The following MACROD2 variants were observed in gnomAD, a reference collection of about 807,000 sequenced individuals.
MACROD2 encodes ADP-ribose glycohydrolase MACROD2.
MACROD2 carries 36 observed loss-of-function variants against 70.4 expected under a neutral mutation model. The ratio of observed to expected loss-of-function variants is 0.51; its 90% CI spans 0.39 to 0.68. MACROD2 has a LOEUF of 0.68. Among genes scored for constraint, MACROD2 ranks in the 30% least tolerant of loss-of-function variants. The pLI, the probability that MACROD2 is intolerant of heterozygous loss-of-function variation, is 0.00. For missense variants in MACROD2, 496 were observed against 538.4 expected (o/e 0.92, Z 0.78); for synonymous variants, 172 against 178.8 (o/e 0.96, Z 0.30).
At chr20:14,566,739 A>ATACGAAAG (rs1979833678) in intron 4 of MACROD2, 1 of 152,102 alleles carries the variant, frequency 6.6e-6, no homozygotes. Context: ...ATGATGTAAC[A>ATACGAAAG]TACGAAAGTC....
chr20:14,823,207 C>T (rs1231556061), intron 5 of MACROD2, among the ~76,000 whole-genome samples: 2 of 152,056 alleles, frequency 1.3e-5, no homozygotes, highest in African/African-American at 2.4e-5. Context: ...GCAAACTTCT[C>T]CCTATTTGTA....
chr20:14,350,105 A>G (rs1335582931), intron 3 of MACROD2, among the ~76,000 whole-genome samples: 1 of 152,096 alleles, frequency 6.6e-6, no homozygotes, highest in Non-Finnish European at 1.5e-5. Flanking sequence ...TATAAGTACC[A>G]TATTTACTTT....
At chr20:16,013,000 T>C (rs530821154) in intron 15 of MACROD2, among the ~76,000 whole-genome samples, 7 of 152,138 alleles carry the variant, frequency 4.6e-5, no homozygotes, top group Non-Finnish European at 1.0e-4. Flanking sequence ...GCCAACATGG[T>C]GAAACCCCAT....
chr20:14,919,375 T>C (rs2074133294), intron 5 of MACROD2, among the ~76,000 whole-genome samples: 1 of 152,006 alleles, frequency 6.6e-6, no homozygotes, highest in Non-Finnish European at 1.5e-5. Context: ...CCTTTATTTA[T>C]CACTTACTTT....
At chr20:15,002,300 A>G (rs1472871314) in intron 5 of MACROD2, among the ~76,000 whole-genome samples, 3 of 151,872 alleles carry the variant, frequency 2.0e-5, no homozygotes, top group East Asian at 1.9e-4. Flanking sequence ...TTTTTTGGCT[A>G]TGGCCATTCT....
chr20:14,041,636 TAGTATTGAAC>T (rs1242103078), intron 2 of MACROD2, among the ~76,000 whole-genome samples: 1 of 152,116 alleles, frequency 6.6e-6, no homozygotes, highest in South Asian at 2.1e-4. Context: ...TGAAAACCAT[TAGTATTGAAC>T]AGCTTGTACT....
intron 8 of MACROD2, among the ~76,000 whole-genome samples, chr20:15,555,906 G>A (rs1260551856): frequency 2.0e-5 from 3 of 151,076 alleles, no homozygotes; most frequent in African/African-American, 4.9e-5. Context: ...TTGAAAGTGT[G>A]TGTGACATTT....
In MACROD2 at chr20:15,958,176, T is replaced by A. The variant is rs536753570; in HGVS notation, c.908-9377T>A. Among the ~76,000 whole-genome samples, 3 of 152,320 alleles carry A rather than the reference T, an allele frequency of 2.0e-5. No homozygotes were observed. In the South Asian group the frequency reaches 6.2e-4, roughly 32 times the overall value. On this transcript the variant is annotated intron_variant, in intron 12 of 17. Coordinates refer to ENST00000684519, the MANE Select transcript of MACROD2 (RefSeq NM_001351661.2). ...ATTTCTCTATTATACACAGAACTGA[T>A]ATTCCGCCAGTACACTCTAATCCTG...
chr20:15,233,126 A>G (rs377560411), intron 6 of MACROD2, among the ~76,000 whole-genome samples: 1 of 152,062 alleles, frequency 6.6e-6, no homozygotes, highest in Non-Finnish European at 1.5e-5. Flanking sequence ...TCACTTTTAA[A>G]TATCTTCCCA....
chr20:14,036,058 C>T (rs1025425691), intron 2 of MACROD2, among the ~76,000 whole-genome samples: 4 of 151,710 alleles, frequency 2.6e-5, no homozygotes, highest in African/African-American at 9.7e-5. Flanking sequence ...AGGAGAATGG[C>T]GTGAATCCAG....
At chr20:14,161,295 C>T (rs569362541) in intron 3 of MACROD2, among the ~76,000 whole-genome samples, 176 of 148,412 alleles carry the variant, frequency 1.2e-3, no homozygotes, top group African/African-American at 4.2e-3. Context: ...TCAAGTGATT[C>T]GCCTGCCTCA....
chr20:15,017,283 G>A (rs1205224547), intron 5 of MACROD2, among the ~76,000 whole-genome samples: 1 of 152,168 alleles, frequency 6.6e-6, no homozygotes, highest in Admixed American at 6.5e-5. Context: ...AAATCCAGCG[G>A]GGCAGTCAAA....
chr20:14,873,688 G>A (rs1203747243), intron 5 of MACROD2, among the ~76,000 whole-genome samples: 1 of 151,960 alleles, frequency 6.6e-6, no homozygotes, highest in African/African-American at 2.4e-5. Context: ...CATAAACCCT[G>A]TCCCTACTAA....
At chr20:14,096,437 G>A (rs1020930133) in intron 3 of MACROD2, among the ~76,000 whole-genome samples, 22 of 136,006 alleles carry the variant, frequency 1.6e-4, no homozygotes, top group African/African-American at 5.4e-4. Flanking sequence ...CACAATCTCC[G>A]CTCACCACAA....
At position 15,545,996 on chromosome 20, in the gene MACROD2, T is replaced by G. The variant is rs112194581; in HGVS notation, c.645+46149T>G. On this transcript the variant is annotated intron_variant, in intron 8 of 17. Transcript: ENST00000684519. ...ACAGCTGGGCACGATGGCTCATGCC[T>G]GTCATCCCAGCACTTTGGGAGGACA... is the stretch of plus-strand genomic sequence containing the variant. Among the ~76,000 whole-genome samples the G allele has an allele frequency of 1.7e-3, 259 of 152,338 alleles. 1 individual carries two copies. Among genetic ancestry groups the G allele is most frequent in the African/African-American group, 5.8e-3 (241 of 41,586 alleles).
chr20:15,473,088 CT>C (rs1481299625), intron 7 of MACROD2, among the ~76,000 whole-genome samples: 3 of 152,330 alleles, frequency 2.0e-5, no homozygotes, highest in South Asian at 4.1e-4. Context: ...ATTGACTCAT[CT>C]TTATCACTTA....
At chr20:14,734,705 G>A (rs917288563) in intron 5 of MACROD2, among the ~76,000 whole-genome samples, 1 of 152,050 alleles carries the variant, frequency 6.6e-6, no homozygotes, top group Non-Finnish European at 1.5e-5. Context: ...GAAGGAGAAA[G>A]TTGGAGGGTT....
intron 8 of MACROD2, among the ~76,000 whole-genome samples, chr20:15,517,130 C>CCT (rs1568862244): frequency 6.6e-6 from 1 of 152,134 alleles, no homozygotes; most frequent in East Asian, 1.9e-4. Flanking sequence ...TGCTCAACTA[C>CCT]TGAAGAGGTC....
chr20:15,051,081 T>C (rs1042835367), intron 5 of MACROD2, among the ~76,000 whole-genome samples: 2 of 152,028 alleles, frequency 1.3e-5, no homozygotes, highest in African/African-American at 4.8e-5. Flanking sequence ...ATAACTGAAA[T>C]CCCTTTTTAA....
Sources: gnomAD v4.1 joint callset for allele counts (sites outside exome capture counted in the v4.1 genomes callset) on GRCh38, gnomAD v4.1.1 for gene constraint, MANE v1.5 for transcripts, NCBI Gene and HGNC (gene_info 2026-07-23, HGNC 2026-07-21) for gene names.